PIBF1: variants seen among roughly 807,000 people sequenced by gnomAD.
PIBF1 encodes progesterone immunomodulatory binding factor 1.
Under a neutral mutation model 112.5 loss-of-function variants are expected in PIBF1, and 90 were observed. That is an observed-to-expected ratio of 0.80 (90% CI 0.67 to 0.95). The LOEUF (loss-of-function observed/expected upper bound fraction) is 0.95. Ranked by LOEUF, PIBF1 falls within the 40% of genes least tolerant of loss-of-function variation. PIBF1 has a pLI of 0.00. For synonymous variants in PIBF1, 301 were observed against 288.6 expected, an observed-to-expected ratio of 1.04 and a Z score of -0.44; for missense variants, 915 against 852.3, an observed-to-expected ratio of 1.07 and a Z score of -0.92.
intron 16 of PIBF1, among the ~76,000 whole-genome samples, chr13:72,985,279 A>G (rs2043250008): frequency 6.6e-6 from 1 of 150,896 alleles, no homozygotes. Flanking sequence ...TGTAATCCCA[A>G]CACTTCGGGA....
intron 16 of PIBF1, among the ~76,000 whole-genome samples, chr13:72,993,745 CAAAAAAA>C (rs34464067): frequency 4.2e-4 from 42 of 98,854 alleles, no homozygotes; most frequent in African/African-American, 1.3e-3. Context: ...GACTCCATTT[CAAAAAAA>C]AAAAAAAAAA....
intron 16 of PIBF1, among the ~76,000 whole-genome samples, chr13:72,995,260 C>T (rs2043611289): frequency 6.7e-6 from 1 of 150,130 alleles, no homozygotes; most frequent in African/African-American, 2.5e-5. Context: ...GAGATCACAC[C>T]ACTGCACTCC....
chr13:72,948,755 G>A (rs2042215650), intron 14 of PIBF1, among the ~76,000 whole-genome samples: 1 of 152,200 alleles, frequency 6.6e-6, no homozygotes, highest in South Asian at 2.1e-4. Flanking sequence ...GGAAGGGTAA[G>A]CAAACAACAT....
intron 4 of PIBF1, among the ~76,000 whole-genome samples, chr13:72,797,335 T>C (rs2035246295): frequency 2.0e-5 from 3 of 152,182 alleles, no homozygotes; most frequent in African/African-American, 7.2e-5. Flanking sequence ...GCCCTCAGGT[T>C]GTGAAAGTGG....
intron 16 of PIBF1, among the ~76,000 whole-genome samples, chr13:72,974,758 CAATT>C (rs1466181628): frequency 4.6e-5 from 7 of 152,188 alleles, no homozygotes; most frequent in African/African-American, 1.4e-4. Flanking sequence ...TATCTGTAAA[CAATT>C]AATGTACACA....
chr13:72,905,669 C>G (rs1333093496), intron 11 of PIBF1, among the ~76,000 whole-genome samples: 1 of 152,052 alleles, frequency 6.6e-6, no homozygotes, highest in Non-Finnish European at 1.5e-5. Flanking sequence ...CCCACACATC[C>G]TTTTTTTATT....
chr13:73,010,813 T>TTG (rs1186346415), intron 17 of PIBF1, among the ~76,000 whole-genome samples: 2 of 70,420 alleles, frequency 2.8e-5, no homozygotes, highest in Non-Finnish European at 5.6e-5. Flanking sequence ...AACTTTTCTT[T>TTG]TTTTTTTTTT....
chr13:72,995,540 G>A (rs2043622921), intron 16 of PIBF1, among the ~76,000 whole-genome samples: 1 of 152,072 alleles, frequency 6.6e-6, no homozygotes, highest in East Asian at 1.9e-4. Context: ...GGAAAAAATG[G>A]TCTCTTCAGT....
chr13:72,855,936 T>C (rs985137914), intron 10 of PIBF1, among the ~76,000 whole-genome samples: 1 of 152,208 alleles, frequency 6.6e-6, no homozygotes, highest in Non-Finnish European at 1.5e-5. Flanking sequence ...CGTAAGATAT[T>C]ACCTAGTAAA....
chr13:72,964,296 CAGAA>C (rs1196412486), intron 14 of PIBF1, among the ~76,000 whole-genome samples: 2 of 152,016 alleles, frequency 1.3e-5, no homozygotes, highest in African/African-American at 4.8e-5. Flanking sequence ...TTCACAGAGA[CAGAA>C]AGTAAGATAC....
intron 14 of PIBF1, among the ~76,000 whole-genome samples, chr13:72,947,787 A>C (rs1566479822): frequency 6.6e-6 from 1 of 152,196 alleles, no homozygotes; most frequent in Non-Finnish European, 1.5e-5. Flanking sequence ...ACGTGTACGC[A>C]TATATTTATT....
chr13:72,908,914 G>A (rs985503650), intron 12 of PIBF1, among the ~76,000 whole-genome samples: 1 of 151,934 alleles, frequency 6.6e-6, no homozygotes, highest in Non-Finnish European at 1.5e-5. Context: ...TTACCCAGGA[G>A]TGATACTGGG....
intron 13 of PIBF1, among the ~76,000 whole-genome samples, chr13:72,924,297 A>G (rs1461656222): frequency 6.6e-6 from 1 of 152,028 alleles, no homozygotes; most frequent in African/African-American, 2.4e-5. Flanking sequence ...CATTAGTTGT[A>G]CTTTATTTTT....
intron 10 of PIBF1, among the ~76,000 whole-genome samples, chr13:72,854,840 A>G (rs1393658948): frequency 1.3e-5 from 2 of 151,062 alleles, no homozygotes. Flanking sequence ...CAAAATCTAT[A>G]TGTTCTAAAG....
intron 9 of PIBF1, among the ~76,000 whole-genome samples, chr13:72,847,028 G>C (rs1454366214): frequency 6.6e-6 from 1 of 152,122 alleles, no homozygotes; most frequent in Admixed American, 6.5e-5. Flanking sequence ...ACTGAGTGTC[G>C]TTTGAAGATA....
rs528148600 is a variant in PIBF1, at chr13:72,916,969, GT to G, written c.1640-102del. On this transcript the variant is annotated intron_variant, in intron 12 of 17. Transcript: ENST00000326291. ...AGATTACATATTAGCCCTTTCTAAT[GT>G]TTTTATCCTCCCTAATTTGTTATAA... The G allele has an allele frequency of 1.3e-4, 77 of 584,570 alleles. No individual in the cohort carries two copies. The East Asian group carries it at 1.8e-3, about 14-fold the overall frequency. 36.2% of individuals were successfully genotyped at this position (584,570 alleles called of 1,614,324 possible).
chr13:73,011,447 T>A (rs900230516), intron 17 of PIBF1, among the ~76,000 whole-genome samples: 4 of 151,986 alleles, frequency 2.6e-5, no homozygotes, highest in African/African-American at 9.7e-5. Context: ...AAAAAGAACA[T>A]TTTGAAATAT....
intron 16 of PIBF1, among the ~76,000 whole-genome samples, chr13:72,984,136 G>A (rs1370759795): frequency 6.6e-6 from 1 of 151,924 alleles, no homozygotes; most frequent in Non-Finnish European, 1.5e-5. Flanking sequence ...GAAATTTAGG[G>A]ACTAAAATGT....
Position 72,908,818 on chromosome 13 carries a change from G to A in PIBF1, c.1639+137G>A, listed in dbSNP as rs1013757396. ...AATCTTAGCACTTTGGGCGGCCAAG[G>A]TGGGCAAATCACTTGAGGTCAGGAG... On this transcript the variant is annotated intron_variant, in intron 12 of 17. Coordinates refer to ENST00000326291, the MANE Select transcript of PIBF1 (RefSeq NM_006346.4). 14 of 634,886 alleles carry A rather than the reference G, an allele frequency of 2.2e-5. No homozygotes were observed. The Admixed American group carries it at 3.0e-4, about 14-fold the overall frequency. The allele number at this position is 634,886 out of a possible 1,614,324, so 39.3% of individuals were successfully genotyped here.
Sources: gnomAD v4.1 joint callset for allele counts (sites outside exome capture counted in the v4.1 genomes callset) on GRCh38, gnomAD v4.1.1 for gene constraint, MANE v1.5 for transcripts, NCBI Gene and HGNC (gene_info 2026-07-23, HGNC 2026-07-21) for gene names.